Variants in EYS observed in about 807,000 individuals in gnomAD.
The protein encoded by EYS is protein eyes shut homolog.
In EYS, 250 loss-of-function variants were observed where a neutral mutation model predicts 282.1. The observed-to-expected ratio is 0.89, with a 90% CI of 0.80 to 0.98. EYS has a LOEUF of 0.98. Among genes scored for constraint, EYS ranks in the 50% least tolerant of loss-of-function variants. The pLI is 0.00. For synonymous variants in EYS, 1,355 were observed against 1,282.9 expected (o/e 1.06, Z -1.20); for missense variants, 4,016 against 3,709.0 (o/e 1.08, Z -2.15).
At chr6:65,180,559 A>G (rs777660164) in intron 12 of EYS, among the ~76,000 whole-genome samples, 1 of 152,170 alleles carries the variant, frequency 6.6e-6, no homozygotes. Context: ...ATAAAAGAAG[A>G]TACAAACAAG....
At chr6:65,004,686 T>C (rs1241616970) in intron 13 of EYS, among the ~76,000 whole-genome samples, 2 of 147,922 alleles carry the variant, frequency 1.4e-5, no homozygotes, top group Non-Finnish European at 3.0e-5. Context: ...CCAATGCTTA[T>C]TGAATGAACC....
At chr6:65,447,836 G>T (rs1391568100) in intron 5 of EYS, among the ~76,000 whole-genome samples, 1 of 144,834 alleles carries the variant, frequency 6.9e-6, no homozygotes, top group Non-Finnish European at 1.6e-5. Context: ...CTGAAACTGG[G>T]AAAAGTAGTT....
At chr6:64,415,475 A>G (rs1774030359) in intron 28 of EYS, among the ~76,000 whole-genome samples, 1 of 152,172 alleles carries the variant, frequency 6.6e-6, no homozygotes, top group South Asian at 2.1e-4. Context: ...CATGGTTTAC[A>G]TTCTCTCTGT....
intron 2 of EYS, among the ~76,000 whole-genome samples, chr6:65,585,872 T>G (rs1650436570): frequency 6.6e-6 from 1 of 152,034 alleles, no homozygotes; most frequent in South Asian, 2.1e-4. Context: ...TAGTAACTAC[T>G]CAATATGAAT....
intron 5 of EYS, among the ~76,000 whole-genome samples, chr6:65,463,220 C>A (rs1263858850): frequency 6.6e-6 from 1 of 152,060 alleles, no homozygotes; most frequent in African/African-American, 2.4e-5. Flanking sequence ...TCTGTTATTA[C>A]CACTCTTTAA....
At chr6:65,588,171 G>T (rs534537770) in intron 2 of EYS, among the ~76,000 whole-genome samples, 2 of 152,070 alleles carry the variant, frequency 1.3e-5, no homozygotes, top group Admixed American at 1.3e-4. Flanking sequence ...TGTATCACAT[G>T]CCATCACTGA....
At chr6:65,353,239 A>C (rs913291369) in intron 9 of EYS, among the ~76,000 whole-genome samples, 14 of 151,946 alleles carry the variant, frequency 9.2e-5, no homozygotes, top group Admixed American at 1.3e-4. Flanking sequence ...AGTTTACTTC[A>C]CTATTATCTC....
chr6:65,584,984 G>T (rs1764996156), intron 2 of EYS, among the ~76,000 whole-genome samples: 1 of 151,226 alleles, frequency 6.6e-6, no homozygotes, highest in African/African-American at 2.4e-5. Flanking sequence ...TGTTCAAACT[G>T]TATTTGTATC....
Position 64,592,041 on chromosome 6 carries a change from C to T in EYS, c.3878-52G>A, listed in dbSNP as rs1241490633. 3 of 1,332,718 alleles carry T rather than the reference C, an allele frequency of 2.3e-6. No individual in the cohort carries two copies. In the African/African-American group the frequency reaches 4.4e-5, roughly 20 times the overall value. 82.6% of individuals were successfully genotyped at this position (1,332,718 alleles called of 1,614,324 possible). On this transcript the variant is annotated intron_variant, in intron 25 of 42. Transcript: ENST00000503581. Reference sequence around the variant, plus strand: ...GTTAGAAAAATGAATCAGAAACGAACCACTTTGGCACTGGGATAAATCTCA... The same window carrying T: ...GTTAGAAAAATGAATCAGAAACGAATCACTTTGGCACTGGGATAAATCTCA...
rs567109819 is a variant in EYS, at chr6:65,495,841, A to G, written c.-198+18T>C. 5.5e-6 allele frequency: 1 copy of G among 180,726 alleles called. No individual in the cohort carries two copies. Among genetic ancestry groups the G allele is most frequent in the African/African-American group, 2.4e-5 (1 of 41,894 alleles). 11.2% of individuals were successfully genotyped at this position (180,726 alleles called of 1,614,324 possible). A position where few individuals can be genotyped will look rare whatever the true frequency, so the allele number is the denominator to read the frequency against. ...TGAAAAGTTCTGGTTTCATGACATA[A>G]TTAAGCCAGCAACTTACTGCGGTCT... On this transcript the variant is annotated intron_variant, in intron 3 of 42. Coordinates refer to ENST00000503581, the MANE Select transcript of EYS (RefSeq NM_001142800.2).
intron 11 of EYS, among the ~76,000 whole-genome samples, chr6:65,306,859 A>AAAAAAAAAAAAAAAAAAAAAAAAAAAAG (rs1346343044): frequency 5.6e-5 from 8 of 142,388 alleles, no homozygotes; most frequent in Non-Finnish European, 1.1e-4. Context: ...AAAAAAAAAA[A>AAAAAAAAAAAAAAAAAAAAAAAAAAAAG]AAAGAAAGTC....
At chr6:65,395,959 T>G (rs1047633386) in intron 7 of EYS, among the ~76,000 whole-genome samples, 1 of 152,204 alleles carries the variant, frequency 6.6e-6, no homozygotes, top group Admixed American at 6.6e-5. Context: ...TTTGTCTTTA[T>G]CTGGCTGATT....
intron 33 of EYS, among the ~76,000 whole-genome samples, chr6:64,028,734 G>A (rs564815694): frequency 2.2e-4 from 34 of 152,294 alleles, no homozygotes; most frequent in African/African-American, 7.7e-4. Context: ...CTCAATTCCA[G>A]GCACTCTGGT....
At chr6:64,031,651 C>A (rs1268024496) in intron 33 of EYS, among the ~76,000 whole-genome samples, 1 of 152,172 alleles carries the variant, frequency 6.6e-6, no homozygotes, top group African/African-American at 2.4e-5. Context: ...CACCAATCAG[C>A]ACCCTGTGTC....
chr6:64,022,470 A>G (rs1316704759), intron 33 of EYS, among the ~76,000 whole-genome samples: 2 of 152,224 alleles, frequency 1.3e-5, no homozygotes. Flanking sequence ...AAGTACTTTT[A>G]TAATGTTATG....
At chr6:64,546,579 C>A (rs1229995300) in intron 26 of EYS, among the ~76,000 whole-genome samples, 1 of 152,182 alleles carries the variant, frequency 6.6e-6, no homozygotes, top group Admixed American at 6.5e-5. Context: ...TCAGAATGAA[C>A]AGGCAACCTA....
At chr6:65,261,404 C>T (rs1767617108) in intron 12 of EYS, among the ~76,000 whole-genome samples, 1 of 151,874 alleles carries the variant, frequency 6.6e-6, no homozygotes, top group Non-Finnish European at 1.5e-5. Context: ...GTCTGGTGTG[C>T]ATGTGTTTAC....
At chr6:64,780,673 T>C (rs952903141) in intron 22 of EYS, among the ~76,000 whole-genome samples, 1 of 152,084 alleles carries the variant, frequency 6.6e-6, no homozygotes, top group South Asian at 2.1e-4. Flanking sequence ...ATAATAATAA[T>C]AAAATAATCC....
chr6:65,653,763 A>C (rs1767732269), intron 1 of EYS, among the ~76,000 whole-genome samples: 1 of 151,828 alleles, frequency 6.6e-6, no homozygotes, highest in Admixed American at 6.6e-5. Flanking sequence ...ACTTTAGAGA[A>C]CCCTATTTCC....
Sources: allele counts gnomAD v4.1 joint callset (sites outside exome capture counted in the v4.1 genomes callset), GRCh38; gene constraint gnomAD v4.1.1; transcripts MANE v1.5; gene names NCBI Gene and HGNC (gene_info 2026-07-23, HGNC 2026-07-21).